The following CPSF7 variants were observed in gnomAD, a reference collection of about 807,000 sequenced individuals.
CPSF7 encodes cleavage and polyadenylation specificity factor subunit 7.
CPSF7 carries 1 observed loss-of-function variant against 44.3 expected under a neutral mutation model. That is an observed-to-expected ratio of 0.02 (90% CI 0.01 to 0.11). The LOEUF (loss-of-function observed/expected upper bound fraction) is 0.11, where lower values mean the gene tolerates loss of function less well. CPSF7 is among the 10% of genes least tolerant of loss of function. The pLI, the probability that CPSF7 is intolerant of heterozygous loss-of-function variation, is 1.00. For synonymous variants in CPSF7, 202 were observed against 222.0 expected, an observed-to-expected ratio of 0.91 and a Z score of 0.80; for missense variants, 443 against 607.2, an observed-to-expected ratio of 0.73 and a Z score of 2.84.
chr11:61,404,989 C>T (rs976191240), intron 9 of CPSF7, among the ~76,000 whole-genome samples: 3 of 152,034 alleles, frequency 2.0e-5, no homozygotes, highest in South Asian at 2.1e-4. Context: ...TCTGAACGTT[C>T]GACTGAAAAG....
Position 61,421,513 on chromosome 11 carries a change from T to C in CPSF7, c.150A>G (p.Glu50=). 1.2e-6 allele frequency: 2 copies of C among 1,614,076 alleles called. No homozygotes were observed. Among genetic ancestry groups the C allele is most frequent in the Non-Finnish European group, 1.7e-6 (2 of 1,180,000 alleles). Residue 50 remains glutamate (E), a synonymous_variant, in exon 3 of 10, where the codon GAA becomes GAG. Coordinates refer to ENST00000439958, the MANE Select transcript of CPSF7 (RefSeq NM_001142565.3). ...QPSDDRSSST[E]PPPPVRQEPS... The stretch of plus-strand genomic sequence containing the variant: ...GCTCCTGGCGAACAGGAGGAGGTGG[T>C]TCAGTGCTGCTGCTTCTGTCATCTG...
chr11:61,416,481 A>C lies in CPSF7; in HGVS notation c.562T>G (p.Ser188Ala). 6.2e-7 allele frequency: 1 copy of C among 1,614,158 alleles called. No homozygotes were observed. The highest frequency in any genetic ancestry group is 8.5e-7 in the Non-Finnish European group (1 of 1,180,016). Residue 188 changes from serine (S) to alanine (A), a missense_variant, in exon 6 of 10, where the codon TCT (serine) becomes GCT (alanine). By Grantham distance (99) the Ser-to-Ala change is moderately conservative. Coordinates refer to ENST00000439958, the MANE Select transcript of CPSF7 (RefSeq NM_001142565.3). Reference protein sequence around the residue: ...PRAHSRDSSDSADGRATPSEN... With the variant: ...PRAHSRDSSDAADGRATPSEN... The stretch of plus-strand genomic sequence containing the variant: ...GAGGGTGTGGCCCGTCCATCAGCAG[A>C]ATCACTAGAATCTCGGGAATGGGCC...
At chr11:61,426,464 C>T (rs1861351568) in intron 2 of CPSF7, 1 of 152,122 alleles carries the variant, frequency 6.6e-6, no homozygotes, top group Non-Finnish European at 1.5e-5. Flanking sequence ...ATTCAAAATT[C>T]ACACTTTCTT....
intron 7 of CPSF7, among the ~76,000 whole-genome samples, chr11:61,414,923 T>C (rs1276256113): frequency 6.6e-6 from 1 of 152,194 alleles, no homozygotes; most frequent in Non-Finnish European, 1.5e-5. Context: ...GACTCCTAAA[T>C]GTAATCAGAT....
chr11:61,410,920 A>C lies in CPSF7; in HGVS notation c.*5+18T>G. On this transcript the variant is annotated intron_variant, in intron 9 of 9. Coordinates refer to ENST00000439958, the MANE Select transcript of CPSF7 (RefSeq NM_001142565.3). ...AATAAAAAATCCCCCAGCAGCCAGG[A>C]ACGGGGCTTCTCCCCACCTTTCTCA... 1 of 1,560,500 alleles carries C rather than the reference A, an allele frequency of 6.4e-7. No individual in the cohort carries two copies. The highest frequency in any genetic ancestry group is 1.2e-5 in the South Asian group (1 of 84,302).
chr11:61,416,281 G>A lies in CPSF7; in HGVS notation c.762C>T (p.Tyr254=). ...GVPPPPPGIH[Y]QHLMPPPPRL... is the part of the protein sequence containing the mutation. ...GAGGAGGTGGGGGCATGAGATGCTG[G>A]TAGTGGATACCAGGAGGAGGAGGAG... The change falls in exon 6 of 10, where the codon TAC becomes TAT. Residue 254 remains tyrosine, a synonymous_variant. Coordinates refer to ENST00000439958, the MANE Select transcript of CPSF7 (RefSeq NM_001142565.3). 1 of 1,545,174 alleles carries A rather than the reference G, an allele frequency of 6.5e-7. No individual in the cohort carries two copies. Among genetic ancestry groups the A allele is most frequent in the Non-Finnish European group, 8.7e-7 (1 of 1,146,502 alleles).
At chr11:61,419,039 C>T (rs1396334692) in intron 5 of CPSF7, among the ~76,000 whole-genome samples, 6 of 151,192 alleles carry the variant, frequency 4.0e-5, no homozygotes, top group Non-Finnish European at 8.9e-5. Context: ...TATTTTCCCT[C>T]CAAGATGGAG....
At chr11:61,406,537 T>G (rs940593134) in intron 9 of CPSF7, among the ~76,000 whole-genome samples, 7 of 152,184 alleles carry the variant, frequency 4.6e-5, no homozygotes, top group African/African-American at 1.7e-4. Flanking sequence ...CAGACTATTA[T>G]TCAGATGCAA....
chr11:61,420,393 C>A, intron 4 of CPSF7, 77 bp downstream of exon 4: 2 of 1,367,654 alleles, frequency 1.5e-6, no homozygotes, highest in Non-Finnish European at 2.1e-6. Context: ...TGATTAAAAT[C>A]CAGGGCCAAA....
chr11:61,414,423 C>T (rs1860130947), intron 7 of CPSF7, among the ~76,000 whole-genome samples: 1 of 152,156 alleles, frequency 6.6e-6, no homozygotes, highest in Admixed American at 6.5e-5. Flanking sequence ...GCTGGGACTA[C>T]AGGCATGAGC....
intron 2 of CPSF7, among the ~76,000 whole-genome samples, chr11:61,423,085 AAC>A (rs1237095170): frequency 4.8e-5 from 7 of 146,392 alleles, no homozygotes; most frequent in African/African-American, 1.5e-4. Flanking sequence ...CAGCCTGGGC[AAC>A]AGAGTGAGAC....
intron 9 of CPSF7, among the ~76,000 whole-genome samples, chr11:61,408,592 A>G (rs1362815188): frequency 6.6e-6 from 1 of 152,034 alleles, no homozygotes; most frequent in Non-Finnish European, 1.5e-5. Flanking sequence ...AGAAGCAGAG[A>G]CAACACCTGC....
intron 7 of CPSF7, among the ~76,000 whole-genome samples, chr11:61,413,179 C>T (rs1212748025): frequency 5.3e-5 from 8 of 152,078 alleles, no homozygotes; most frequent in Admixed American, 6.5e-5. Context: ...CCTGCCTGGG[C>T]CTCCTAAAGT....
chr11:61,421,664 A>C, intron 2 of CPSF7, 56 bp from the exon 3 acceptor site: 2 of 1,219,202 alleles, frequency 1.6e-6, no homozygotes, highest in Admixed American at 3.6e-5. Context: ...TGTTCATTCT[A>C]TTTCACTCTA....
intron 1 of CPSF7, chr11:61,429,633 G>T: frequency 2.7e-6 from 3 of 1,109,186 alleles, no homozygotes; most frequent in Non-Finnish European, 3.9e-6. Context: ...CGCTGCACCT[G>T]CCTAGCCCCC....
In CPSF7 at chr11:61,428,981, T is replaced by A. The variant is rs1861660684; in HGVS notation, c.54+201A>T. 7.3e-6 allele frequency: 3 copies of A among 413,764 alleles called. No individual in the cohort carries two copies. The South Asian group carries it at 1.5e-4, about 21-fold the overall frequency. 25.6% of individuals were successfully genotyped at this position (413,764 alleles called of 1,614,324 possible). On this transcript the variant is annotated intron_variant, in intron 2 of 9. Coordinates refer to ENST00000439958, the MANE Select transcript of CPSF7 (RefSeq NM_001142565.3). ...TTTTATTTGCTCTTAAATCAAAGCCTTTAAAATTAAGCCTGGAGCTTCAAA... is the reference window on the plus strand; with the variant it reads ...TTTTATTTGCTCTTAAATCAAAGCCATTAAAATTAAGCCTGGAGCTTCAAA...
intron 2 of CPSF7, chr11:61,426,804 G>C (rs966542971): frequency 1.3e-5 from 2 of 152,222 alleles, no homozygotes; most frequent in South Asian, 2.1e-4. Flanking sequence ...GAGGTGGGCA[G>C]ATCACAAGGT....
intron 1 of CPSF7, 107 bp downstream of exon 1, chr11:61,429,807 G>A: frequency 2.6e-6 from 4 of 1,547,336 alleles, no homozygotes; most frequent in African/African-American, 2.8e-5. Flanking sequence ...GACTCCCTCC[G>A]CCCGCAGACT....
Position 61,415,799 on chromosome 11 carries a change from T to A in CPSF7, c.939-15A>T, listed in dbSNP as rs775810707. ...CCGAATCTCGGCTGTACAGAGAAAATACCATCCTTGATTGCTCACATCCCT... is the reference window on the plus strand; with the variant it reads ...CCGAATCTCGGCTGTACAGAGAAAAAACCATCCTTGATTGCTCACATCCCT... On this transcript the variant is annotated splice_polypyrimidine_tract_variant and intron_variant, in intron 6 of 9. Transcript: ENST00000439958. 7.8e-6 allele frequency: 12 copies of A among 1,529,370 alleles called. No homozygotes were observed. Among genetic ancestry groups the A allele is most frequent in the Non-Finnish European group, 1.0e-5 (11 of 1,103,022 alleles). The allele number at this position is 1,529,370 out of a possible 1,614,324, so 94.7% of individuals were successfully genotyped here. A position where few individuals can be genotyped will look rare whatever the true frequency, so the allele number is the denominator to read the frequency against.
Sources: allele counts gnomAD v4.1 joint callset (sites outside exome capture counted in the v4.1 genomes callset), GRCh38; gene constraint gnomAD v4.1.1; transcripts MANE v1.5; gene names NCBI Gene and HGNC (gene_info 2026-07-23, HGNC 2026-07-21).